The following PEPD variants were observed in gnomAD, a reference collection of about 807,000 sequenced individuals.
PEPD encodes the protein peptidase D, also known as xaa-Pro dipeptidase.
In PEPD, 53 loss-of-function variants were observed where a neutral mutation model predicts 60.7. That is an observed-to-expected ratio of 0.87 (90% CI 0.70 to 1.10). The LOEUF is 1.10. Ranked by LOEUF, PEPD falls within the 50% of genes least tolerant of loss-of-function variation. The pLI, the probability that PEPD is intolerant of heterozygous loss-of-function variation, is 0.00. For missense variants in PEPD, 711 were observed against 711.9 expected (o/e 1.00, Z 0.01); for synonymous variants, 267 against 284.1 (o/e 0.94, Z 0.60).
intron 7 of PEPD, among the ~76,000 whole-genome samples, chr19:33,473,138 T>G (rs1236985555): frequency 6.6e-6 from 1 of 152,184 alleles, no homozygotes; most frequent in African/African-American, 2.4e-5. Context: ...TTCTGTCTGA[T>G]GCTCCCACAT....
intron 9 of PEPD, among the ~76,000 whole-genome samples, chr19:33,458,443 A>G (rs1341031417): frequency 6.9e-6 from 1 of 144,598 alleles, no homozygotes; most frequent in African/African-American, 2.6e-5. Flanking sequence ...AGTATGTGGT[A>G]TATGTGTGGT....
chr19:33,394,407 C>A (rs1176688324), intron 12 of PEPD, among the ~76,000 whole-genome samples: 1 of 152,228 alleles, frequency 6.6e-6, no homozygotes, highest in Non-Finnish European at 1.5e-5. Flanking sequence ...GCCCGGGGGT[C>A]CCCTTGGCGC....
intron 12 of PEPD, among the ~76,000 whole-genome samples, chr19:33,398,897 C>T (rs1457007853): frequency 2.0e-5 from 3 of 152,212 alleles, no homozygotes; most frequent in African/African-American, 4.8e-5. Flanking sequence ...CACAAGGGCC[C>T]GCTGGCCATA....
At position 33,387,223 on chromosome 19, in the gene PEPD, G is replaced by A. The variant is rs1389967269; in HGVS notation, c.*121C>T. The A allele has an allele frequency of 6.6e-6, 8 of 1,214,522 alleles. No homozygotes were observed. Among genetic ancestry groups the A allele is most frequent in the South Asian group, 2.6e-5 (2 of 77,908 alleles). The allele number at this position is 1,214,522 out of a possible 1,614,324, so 75.2% of individuals were successfully genotyped here. ...GCACTGTTTGGTCTGATCAAATGCCGAAGCTGGGATCTGATTCTGGGTGCC... is the reference window on the plus strand; with the variant it reads ...GCACTGTTTGGTCTGATCAAATGCCAAAGCTGGGATCTGATTCTGGGTGCC... On this transcript the variant is annotated 3_prime_UTR_variant, in exon 15 of 15. Coordinates refer to ENST00000244137, the MANE Select transcript of PEPD (RefSeq NM_000285.4).
intron 9 of PEPD, among the ~76,000 whole-genome samples, chr19:33,439,621 G>T (rs1278606978): frequency 6.6e-6 from 1 of 152,192 alleles, no homozygotes; most frequent in African/African-American, 2.4e-5. Flanking sequence ...TCTCAGCAAA[G>T]GAGACACCCC....
At chr19:33,417,984 C>T (rs903559173) in intron 9 of PEPD, among the ~76,000 whole-genome samples, 7 of 152,186 alleles carry the variant, frequency 4.6e-5, no homozygotes, top group South Asian at 2.1e-4. Flanking sequence ...GGGACACGTG[C>T]GCACAGACAG....
At position 33,521,375 on chromosome 19, in the gene PEPD, T is replaced by C. The variant is rs574161691; in HGVS notation, c.17+369A>G. Reference sequence around the variant, plus strand: ...AAGGGAATTCCAAGTCCGTCTCGAATACCGCCTCCTCCGGGAAGCGCCCGG... The same window carrying C: ...AAGGGAATTCCAAGTCCGTCTCGAACACCGCCTCCTCCGGGAAGCGCCCGG... On this transcript the variant is annotated intron_variant, in intron 1 of 14. Coordinates refer to ENST00000244137, the MANE Select transcript of PEPD (RefSeq NM_000285.4). 9.8e-5 allele frequency among the ~76,000 whole-genome samples: 15 copies of C among 152,328 alleles called. No homozygotes were observed. In the South Asian group the frequency reaches 3.1e-3, roughly 32 times the overall value.
intron 6 of PEPD, among the ~76,000 whole-genome samples, chr19:33,485,472 A>AACAGAGC (rs1362652426): frequency 6.8e-6 from 1 of 147,918 alleles, no homozygotes; most frequent in Non-Finnish European, 1.5e-5. Flanking sequence ...CAGCCTGGGC[A>AACAGAGC]ACAGAGCAAG....
At chr19:33,448,325 C>T (rs1035166246) in intron 9 of PEPD, among the ~76,000 whole-genome samples, 3 of 152,164 alleles carry the variant, frequency 2.0e-5, no homozygotes, top group African/African-American at 7.2e-5. Context: ...TTCTCACGGG[C>T]AGAACCAGAC....
intron 8 of PEPD, among the ~76,000 whole-genome samples, chr19:33,463,465 T>C (rs1168702466): frequency 1.3e-5 from 2 of 152,232 alleles, no homozygotes; most frequent in Admixed American, 1.3e-4. Context: ...TCAATTACCC[T>C]TGTCTGTTTC....
At position 33,478,085 on chromosome 19, in the gene PEPD, T is replaced by C; in HGVS notation, c.509A>G (p.Glu170Gly). Reference protein sequence around the residue: ...EASFDGISKFEVNNTILHPEI... With the variant: ...EASFDGISKFGVNNTILHPEI... The stretch of plus-strand genomic sequence containing the variant: ...TGGGTGAAGAATGGTATTGTTGACT[T>C]CGAACCTGTAGGGCGAAAAGAAATC... The change falls in exon 7 of 15, where the codon GAA becomes GGA. Residue 170 changes from glutamate to glycine, a missense_variant. Glu to Gly is a moderately conservative substitution (Grantham distance 98). Transcript: ENST00000244137. 1 of 1,609,364 alleles carries C rather than the reference T, an allele frequency of 6.2e-7. No homozygotes were observed. Among genetic ancestry groups the C allele is most frequent in the Non-Finnish European group, 8.5e-7 (1 of 1,176,784 alleles).
chr19:33,453,046 GC>G (rs1388317121), intron 9 of PEPD, among the ~76,000 whole-genome samples: 1 of 152,200 alleles, frequency 6.6e-6, no homozygotes, highest in Non-Finnish European at 1.5e-5. Flanking sequence ...CAATGGCCAG[GC>G]ATGGTGGCTC....
intron 9 of PEPD, among the ~76,000 whole-genome samples, chr19:33,461,063 T>C (rs930774456): frequency 3.3e-5 from 5 of 152,172 alleles, no homozygotes; most frequent in Admixed American, 6.5e-5. Flanking sequence ...TAGATATTCA[T>C]GACATGAAGG....
rs1250090032 is a variant in PEPD, at chr19:33,493,308, G to A, written c.423C>T (p.Pro141=). The part of the protein sequence containing the change: ...EIASVLTSQK[P]SVLLTLRGVN... Reference sequence around the variant, plus strand: ...CACTTACCAAAGTGAGGAGGACAGAGGGCTTCTGTGACGTCAGGACGCTGG... The same window carrying A: ...CACTTACCAAAGTGAGGAGGACAGAAGGCTTCTGTGACGTCAGGACGCTGG... The change falls in exon 5 of 15, where the codon CCC becomes CCT. Residue 141 remains proline, a synonymous_variant. Coordinates refer to ENST00000244137, the MANE Select transcript of PEPD (RefSeq NM_000285.4). 6.2e-7 allele frequency: 1 copy of A among 1,613,358 alleles called. No individual in the cohort carries two copies. Among genetic ancestry groups the A allele is most frequent in the African/African-American group, 1.3e-5 (1 of 74,900 alleles).
chr19:33,516,058 C>T (rs1048140274), intron 1 of PEPD, among the ~76,000 whole-genome samples: 1 of 152,142 alleles, frequency 6.6e-6, no homozygotes, highest in African/African-American at 2.4e-5. Context: ...AGAACCCACC[C>T]TGTGCAGGGC....
chr19:33,508,432 G>A (rs563841016), intron 3 of PEPD, among the ~76,000 whole-genome samples: 3 of 152,332 alleles, frequency 2.0e-5, no homozygotes, highest in East Asian at 3.9e-4. Context: ...ACAACGGCTG[G>A]GGAATAAACG....
chr19:33,461,729 G>A (rs556702065), intron 9 of PEPD, among the ~76,000 whole-genome samples: 34 of 152,296 alleles, frequency 2.2e-4, no homozygotes, highest in African/African-American at 6.7e-4. Context: ...CCAGATCCTC[G>A]GAGCGGGCAG....
At chr19:33,476,387 T>C (rs965379693) in intron 7 of PEPD, among the ~76,000 whole-genome samples, 2 of 152,148 alleles carry the variant, frequency 1.3e-5, no homozygotes. Context: ...TCTGCCCCGG[T>C]ATCTGGCCCT....
chr19:33,414,233 C>T (rs1968841159), intron 9 of PEPD, among the ~76,000 whole-genome samples: 1 of 152,224 alleles, frequency 6.6e-6, no homozygotes, highest in Non-Finnish European at 1.5e-5. Flanking sequence ...TCCTGCTTCT[C>T]CCTCCTTGGA....
Sources: allele counts gnomAD v4.1 joint callset (sites outside exome capture counted in the v4.1 genomes callset), GRCh38; gene constraint gnomAD v4.1.1; transcripts MANE v1.5; gene names NCBI Gene and HGNC (gene_info 2026-07-23, HGNC 2026-07-21).